Variants in CHN2 observed in about 807,000 individuals in gnomAD.
CHN2 encodes the protein beta-chimaerin.
Under a neutral mutation model 56.3 loss-of-function variants are expected in CHN2, and 35 were observed. That is an observed-to-expected ratio of 0.62 (90% CI 0.47 to 0.82). CHN2 has a LOEUF of 0.82. Ranked by LOEUF, CHN2 falls within the 40% of genes least tolerant of loss-of-function variation. The pLI is 0.00. For synonymous variants in CHN2, 210 were observed against 212.8 expected (o/e 0.99, Z 0.12); for missense variants, 491 against 580.5 (o/e 0.85, Z 1.58).
intron 1 of CHN2, among the ~76,000 whole-genome samples, chr7:29,214,336 G>T (rs1785180378): frequency 6.6e-6 from 1 of 152,146 alleles, no homozygotes; most frequent in African/African-American, 2.4e-5. Flanking sequence ...CTATGCAGGA[G>T]CTGGAGTACC....
At chr7:29,419,689 C>T (rs974582669) in intron 6 of CHN2, among the ~76,000 whole-genome samples, 1 of 152,148 alleles carries the variant, frequency 6.6e-6, no homozygotes, top group Non-Finnish European at 1.5e-5. Context: ...AAGGACTTGA[C>T]ATTTGTCCAA....
At chr7:29,224,711 CAT>C (rs1368637253) in intron 1 of CHN2, among the ~76,000 whole-genome samples, 1 of 152,146 alleles carries the variant, frequency 6.6e-6, no homozygotes, top group Non-Finnish European at 1.5e-5. Flanking sequence ...AATTCTCCAC[CAT>C]GTTTTCATTT....
upstream of CHN2, chr7:29,192,702 G>C (rs1783049972): frequency 6.6e-6 from 1 of 152,332 alleles, no homozygotes; most frequent in South Asian, 2.1e-4. Flanking sequence ...AGCATCCTGT[G>C]TTATCAGATT....
At chr7:29,476,442 C>T (rs1400966057) in intron 6 of CHN2, among the ~76,000 whole-genome samples, 1 of 150,826 alleles carries the variant, frequency 6.6e-6, no homozygotes, top group Non-Finnish European at 1.5e-5. Flanking sequence ...GAGTCTGACG[C>T]AAGAGAATCA....
chr7:29,477,992 T>A (rs1786743681), intron 6 of CHN2, among the ~76,000 whole-genome samples: 1 of 152,192 alleles, frequency 6.6e-6, no homozygotes, highest in Admixed American at 6.5e-5. Context: ...CACAGTGAGT[T>A]CTCAGTGTGG....
rs1585065107 is a variant in CHN2 at position 29,326,281 on chromosome 7, C to A, written c.50-28344C>A. Among the ~76,000 whole-genome samples the A allele has an allele frequency of 2.0e-5, 3 of 152,272 alleles. No homozygotes were observed. The Middle Eastern group carries it at 0.01, about 518-fold the overall frequency. On this transcript the variant is annotated intron_variant, in intron 1 of 12. Transcript: ENST00000222792. ...AAAGCGATTCTCCTGCCTCAGCCTC[C>A]CGAGTAGCTGGGACTACAGGTGAGT...
intron 6 of CHN2, among the ~76,000 whole-genome samples, chr7:29,450,853 C>T (rs1163611890): frequency 6.6e-6 from 1 of 151,830 alleles, no homozygotes; most frequent in East Asian, 1.9e-4. Context: ...CTCACTGCAA[C>T]CTCCGCCTCC....
intron 1 of CHN2, among the ~76,000 whole-genome samples, chr7:29,225,716 G>A (rs1021423420): frequency 6.6e-6 from 1 of 152,122 alleles, no homozygotes; most frequent in Non-Finnish European, 1.5e-5. Flanking sequence ...GGAGACTGGA[G>A]CTAATCACCT....
intron 2 of CHN2, among the ~76,000 whole-genome samples, chr7:29,149,210 T>TA (rs397943773): frequency 2.8e-5 from 4 of 143,326 alleles, no homozygotes; most frequent in African/African-American, 1.1e-4. Context: ...TTTTTTTTTT[T>TA]GAGACAGAGT....
chr7:29,237,903 CA>C (rs532615016), intron 1 of CHN2, among the ~76,000 whole-genome samples: 1 of 152,048 alleles, frequency 6.6e-6, no homozygotes, highest in Non-Finnish European at 1.5e-5. Context: ...TTAAAAGGAG[CA>C]GAACTATCTT....
chr7:29,370,019 G>A (rs1799481494), intron 3 of CHN2, among the ~76,000 whole-genome samples: 1 of 152,164 alleles, frequency 6.6e-6, no homozygotes, highest in South Asian at 2.1e-4. Context: ...TCCTCAGCAG[G>A]CAGCATGGGG....
chr7:29,283,061 G>A (rs1257096779), intron 1 of CHN2, among the ~76,000 whole-genome samples: 1 of 152,186 alleles, frequency 6.6e-6, no homozygotes, highest in Admixed American at 6.5e-5. Context: ...TCTCCTGGAA[G>A]CTGTGTTATC....
intron 1 of CHN2, among the ~76,000 whole-genome samples, chr7:29,224,705 C>T (rs245940): frequency 0.39 from 59,536 of 152,016 alleles, 11,837 homozygotes; most frequent in East Asian, 0.55. Context: ...TTAAAGAATT[C>T]TCCACCATGT....
intron 1 of CHN2, among the ~76,000 whole-genome samples, chr7:29,286,368 G>T (rs1020110725): frequency 6.6e-6 from 1 of 151,670 alleles, no homozygotes; most frequent in Non-Finnish European, 1.5e-5. Context: ...AAGAAATAGG[G>T]TAGGGCTCCA....
At chr7:29,313,828 A>G (rs1794763464) in intron 1 of CHN2, among the ~76,000 whole-genome samples, 1 of 152,154 alleles carries the variant, frequency 6.6e-6, no homozygotes. Flanking sequence ...ATAACTTACT[A>G]CGAGCGTTCA....
chr7:29,231,328 G>A (rs1442379714), intron 1 of CHN2, among the ~76,000 whole-genome samples: 1 of 152,148 alleles, frequency 6.6e-6, no homozygotes, highest in Non-Finnish European at 1.5e-5. Context: ...GCGGTGAAAT[G>A]AGCAAAAATT....
At chr7:29,456,177 C>T (rs1784738085) in intron 6 of CHN2, among the ~76,000 whole-genome samples, 1 of 152,216 alleles carries the variant, frequency 6.6e-6, no homozygotes, top group Admixed American at 6.5e-5. Context: ...TGTTTCTGAC[C>T]TTGACCTTGG....
chr7:29,443,273 G>C (rs1223467730), intron 6 of CHN2, among the ~76,000 whole-genome samples: 1 of 152,074 alleles, frequency 6.6e-6, no homozygotes, highest in Non-Finnish European at 1.5e-5. Context: ...AAATAGAACT[G>C]AATCAGAGCA....
intron 1 of CHN2, among the ~76,000 whole-genome samples, chr7:29,278,713 C>A (rs1791426115): frequency 6.6e-6 from 1 of 152,152 alleles, no homozygotes; most frequent in Non-Finnish European, 1.5e-5. Flanking sequence ...CTCTATTTTG[C>A]CGAGGGACCC....
Sources: allele counts gnomAD v4.1 joint callset (sites outside exome capture counted in the v4.1 genomes callset), GRCh38; gene constraint gnomAD v4.1.1; transcripts MANE v1.5; gene names NCBI Gene and HGNC (gene_info 2026-07-23, HGNC 2026-07-21).